VPS13C: variants seen among roughly 807,000 people sequenced by gnomAD.
The protein encoded by VPS13C is intermembrane lipid transfer protein VPS13C.
VPS13C carries 358 observed loss-of-function variants against 456.8 expected under a neutral mutation model. That is an observed-to-expected ratio of 0.78 (90% CI 0.72 to 0.86). The LOEUF is 0.86. VPS13C is among the 40% of genes least tolerant of loss of function. The probability of loss-of-function intolerance (pLI) is 0.00; values close to 1 mark genes in which losing one functional copy is unlikely to be tolerated. For missense variants in VPS13C, 4,818 were observed against 4,385.4 expected, an observed-to-expected ratio of 1.10 and a Z score of -2.79; for synonymous variants, 1,578 against 1,486.7, an observed-to-expected ratio of 1.06 and a Z score of -1.41.
At chr15:62,052,755 T>C (rs2048666782) in intron 1 of VPS13C, among the ~76,000 whole-genome samples, 1 of 151,258 alleles carries the variant, frequency 6.6e-6, no homozygotes, top group African/African-American at 2.4e-5. Context: ...TCAACCCAAA[T>C]TAACCAATCT....
intron 66 of VPS13C, among the ~76,000 whole-genome samples, chr15:61,892,891 A>G (rs1350015209): frequency 6.6e-6 from 1 of 152,220 alleles, no homozygotes; most frequent in Non-Finnish European, 1.5e-5. Context: ...TGGATCAAGT[A>G]GAGGATGGAA....
chr15:61,971,073 T>C (rs575705084), intron 27 of VPS13C, among the ~76,000 whole-genome samples: 2 of 152,100 alleles, frequency 1.3e-5, no homozygotes, highest in Non-Finnish European at 2.9e-5. Flanking sequence ...ATTGAAGGGA[T>C]AGATGGAATA....
chr15:61,876,076 G>A (rs919444211), intron 75 of VPS13C, among the ~76,000 whole-genome samples: 4 of 151,994 alleles, frequency 2.6e-5, no homozygotes, highest in African/African-American at 9.7e-5. Context: ...AGGCTGCCAC[G>A]TAGCAGTTAT....
intron 5 of VPS13C, among the ~76,000 whole-genome samples, chr15:62,031,726 C>T (rs2047827069): frequency 6.6e-6 from 1 of 151,874 alleles, no homozygotes; most frequent in Admixed American, 6.6e-5. Flanking sequence ...ATAGGCCTAA[C>T]AGTTCTATTT....
At chr15:61,869,665 A>G (rs201414270) in intron 79 of VPS13C, 42 bp from the exon 80 acceptor site, 27 of 1,611,020 alleles carry the variant, frequency 1.7e-5, no homozygotes, top group Admixed American at 8.4e-5. Context: ...AGATATTTTT[A>G]AATGAGCAAG....
intron 18 of VPS13C, among the ~76,000 whole-genome samples, chr15:61,986,213 AG>A (rs1274659583): frequency 6.6e-6 from 1 of 151,834 alleles, no homozygotes; most frequent in African/African-American, 2.4e-5. Flanking sequence ...ATAGATTCAC[AG>A]GCGCTCTAGA....
intron 39 of VPS13C, 148 bp from the exon 40 acceptor site, chr15:61,951,172 C>A: frequency 4.0e-6 from 2 of 499,778 alleles, no homozygotes; most frequent in Non-Finnish European, 7.0e-6. Flanking sequence ...ATAAATCTTA[C>A]CTCAATAAAC....
In VPS13C at chr15:61,900,257, T is replaced by G. The variant is rs376793130; in HGVS notation, c.9105+7007A>C. 2.8e-3 allele frequency among the ~76,000 whole-genome samples: 426 copies of G among 152,248 alleles called. 2 individuals carry two copies. Among genetic ancestry groups the G allele is most frequent in the African/African-American group, 9.6e-3 (398 of 41,554 alleles). ...TATTCAACATAGTGTTGGAAGTTCTTGCCAGGGCAATCAGGCAGGAGAAGG... is the reference window on the plus strand; with the variant it reads ...TATTCAACATAGTGTTGGAAGTTCTGGCCAGGGCAATCAGGCAGGAGAAGG... On this transcript the variant is annotated intron_variant, in intron 66 of 84. Transcript: ENST00000644861.
intron 14 of VPS13C, 37 bp downstream of exon 14, chr15:62,008,618 A>G (rs1486006516): frequency 2.1e-5 from 30 of 1,452,244 alleles, no homozygotes; most frequent in Non-Finnish European, 2.8e-5. Flanking sequence ...ATATGATTAT[A>G]TGTTCCTCAC....
At chr15:61,875,575 A>G (rs188595188) in intron 76 of VPS13C, among the ~76,000 whole-genome samples, 157 bp downstream of exon 76, 53 of 152,166 alleles carry the variant, frequency 3.5e-4, no homozygotes, top group African/African-American at 1.2e-3. Context: ...ATGTTATCTC[A>G]TGTACCTTTA....
chr15:61,968,208 T>C (rs182076071), intron 28 of VPS13C, among the ~76,000 whole-genome samples: 101 of 152,150 alleles, frequency 6.6e-4, no homozygotes, highest in African/African-American at 1.8e-3. Context: ...TAGGTCTTTA[T>C]ACAGTCAGTG....
At chr15:61,864,599 A>AT in intron 81 of VPS13C, 1 of 979,660 alleles carries the variant, frequency 1.0e-6, no homozygotes, top group Non-Finnish European at 1.2e-6. Context: ...ATTTGATATT[A>AT]TTTCAATGCT....
At chr15:61,918,471 C>T (rs1422520574) in intron 58 of VPS13C, among the ~76,000 whole-genome samples, 1 of 151,894 alleles carries the variant, frequency 6.6e-6, no homozygotes, top group Non-Finnish European at 1.5e-5. Context: ...TATTCAAATG[C>T]TCCATATATT....
intron 55 of VPS13C, among the ~76,000 whole-genome samples, chr15:61,920,862 C>T (rs540318556): frequency 7.3e-4 from 111 of 152,160 alleles, no homozygotes; most frequent in African/African-American, 2.6e-3. Flanking sequence ...TTTAGAATTA[C>T]GCCATGAAAT....
intron 48 of VPS13C, among the ~76,000 whole-genome samples, chr15:61,934,629 G>A (rs1567021379): frequency 6.6e-6 from 1 of 152,088 alleles, no homozygotes; most frequent in Non-Finnish European, 1.5e-5. Flanking sequence ...CTGGCTACAA[G>A]CCATTTTCAA....
At chr15:62,038,871 A>G (rs574943837) in intron 3 of VPS13C, among the ~76,000 whole-genome samples, 1 of 152,356 alleles carries the variant, frequency 6.6e-6, no homozygotes, top group South Asian at 2.1e-4. Flanking sequence ...ACTAATTATC[A>G]GAGAAATACA....
chr15:61,927,728 T>C (rs1010210206), intron 51 of VPS13C, among the ~76,000 whole-genome samples: 1 of 152,146 alleles, frequency 6.6e-6, no homozygotes, highest in Admixed American at 6.5e-5. Flanking sequence ...CATGCTGCTA[T>C]AAAGACACAT....
At chr15:62,053,953 A>G (rs555168151) in intron 1 of VPS13C, among the ~76,000 whole-genome samples, 8 of 152,288 alleles carry the variant, frequency 5.3e-5, no homozygotes, top group African/African-American at 1.9e-4. Context: ...AACACATCAC[A>G]GTTCCTATGT....
rs2140255021 is a variant in VPS13C at position 61,940,628 on chromosome 15, T to C, written c.5601+19A>G. 6.2e-7 allele frequency: 1 copy of C among 1,607,126 alleles called. No homozygotes were observed. The highest frequency in any genetic ancestry group is 2.2e-5 in the East Asian group (1 of 44,756). Reference sequence around the variant, plus strand: ...AAGCCTATCAAGAAATTTTCATATATTATATACTAGCTACTTACCTGCATA... The same window carrying C: ...AAGCCTATCAAGAAATTTTCATATACTATATACTAGCTACTTACCTGCATA... On this transcript the variant is annotated intron_variant, in intron 47 of 84. Coordinates refer to ENST00000644861, the MANE Select transcript of VPS13C (RefSeq NM_020821.3).
Sources: allele counts gnomAD v4.1 joint callset (sites outside exome capture counted in the v4.1 genomes callset), GRCh38; gene constraint gnomAD v4.1.1; transcripts MANE v1.5; gene names NCBI Gene and HGNC (gene_info 2026-07-23, HGNC 2026-07-21).